Variants in NAA15 observed in about 807,000 individuals in gnomAD.
NAA15 encodes N-alpha-acetyltransferase 15, NatA auxiliary subunit, also known as N-terminal acetyltransferase.
NAA15 carries 34 observed loss-of-function variants against 114.0 expected under a neutral mutation model. That is an observed-to-expected ratio of 0.30 (90% CI 0.23 to 0.40). NAA15 has a LOEUF of 0.40. NAA15 is among the 10% of genes least tolerant of loss of function. NAA15 has a pLI of 1.00. For synonymous variants in NAA15, 340 were observed against 338.0 expected (o/e 1.01, Z -0.06); for missense variants, 658 against 1,004.5 (o/e 0.66, Z 4.66).
At chr4:139,307,349 G>GCCTCCACCTCCCGGGCTCAAGCTAT (rs1746057650) in intron 1 of NAA15, among the ~76,000 whole-genome samples, 2 of 152,188 alleles carry the variant, frequency 1.3e-5, no homozygotes, top group Non-Finnish European at 2.9e-5. Context: ...GCTCACTGCA[G>GCCTCCACCTCCCGGGCTCAAGCTAT]CCTCCACCTC....
chr4:139,312,503 A>G (rs1224189049), intron 1 of NAA15, among the ~76,000 whole-genome samples: 2 of 151,926 alleles, frequency 1.3e-5, no homozygotes, highest in African/African-American at 2.4e-5. Flanking sequence ...ATTGTTCACT[A>G]CTTAATATGG....
At chr4:139,344,810 G>A (rs749853459) in intron 6 of NAA15, among the ~76,000 whole-genome samples, 2 of 152,078 alleles carry the variant, frequency 1.3e-5, no homozygotes, top group Non-Finnish European at 2.9e-5. Flanking sequence ...TAATCTGAAT[G>A]TCTTCGATGA....
intron 5 of NAA15, among the ~76,000 whole-genome samples, chr4:139,343,665 C>T (rs930717233): frequency 1.3e-5 from 2 of 152,232 alleles, no homozygotes; most frequent in Admixed American, 6.5e-5. Flanking sequence ...GCGTTCATTA[C>T]ATCAAGAGGC....
At chr4:139,313,806 G>T (rs980896732) in intron 1 of NAA15, among the ~76,000 whole-genome samples, 1 of 151,758 alleles carries the variant, frequency 6.6e-6, no homozygotes, top group Non-Finnish European at 1.5e-5. Context: ...CAAAGTGCTG[G>T]CATTACAGGT....
chr4:139,319,096 CCAGG>C (rs1746511977), intron 1 of NAA15, among the ~76,000 whole-genome samples: 1 of 151,994 alleles, frequency 6.6e-6, no homozygotes. Context: ...GGAGACCAGG[CCAGG>C]CTGGCCAACA....
chr4:139,357,091 T>TC (rs1747979606), intron 10 of NAA15, among the ~76,000 whole-genome samples: 1 of 152,054 alleles, frequency 6.6e-6, no homozygotes. Context: ...GTACAGCTTG[T>TC]CTCCCCCCTA....
At chr4:139,332,346 G>C (rs999513654) in intron 1 of NAA15, among the ~76,000 whole-genome samples, 7 of 151,856 alleles carry the variant, frequency 4.6e-5, no homozygotes, top group Non-Finnish European at 7.4e-5. Context: ...GGCCTGGCTG[G>C]TCTCGAACTT....
intron 13 of NAA15, 129 bp from the exon 14 acceptor site, chr4:139,361,594 TG>T: frequency 1.7e-6 from 1 of 597,904 alleles, no homozygotes; most frequent in East Asian, 2.9e-5. Flanking sequence ...GTTGAATAAT[TG>T]TAATTGTTTT....
At position 139,390,701 on chromosome 4, in the gene NAA15, TTTAATTA is replaced by T. The variant is rs1749037653; in HGVS notation, c.*2618_*2624del. 2.6e-5 allele frequency: 4 copies of T among 152,392 alleles called. No individual in the cohort carries two copies. The highest frequency in any genetic ancestry group is 2.6e-4 in the Admixed American group (4 of 15,284). 9.4% of individuals were successfully genotyped at this position (152,392 alleles called of 1,614,324 possible). On this transcript the variant is annotated 3_prime_UTR_variant, in exon 20 of 20. Transcript: ENST00000296543. ...ATCTGACTAGGTTAGTTTACTCAGC[TTTAATTA>T]GATAGTTGAGTCATATATTTTCAAC...
chr4:139,350,497 G>A (rs1174881586), intron 7 of NAA15, among the ~76,000 whole-genome samples: 1 of 152,176 alleles, frequency 6.6e-6, no homozygotes, highest in African/African-American at 2.4e-5. Flanking sequence ...TCTCCCATAA[G>A]TGGGGTCCAC....
intron 1 of NAA15, among the ~76,000 whole-genome samples, chr4:139,303,704 C>G (rs1447847600): frequency 1.8e-4 from 27 of 152,062 alleles, no homozygotes; most frequent in Admixed American, 1.8e-3. Flanking sequence ...GGCTGAGGCA[C>G]AAGAATCGCT....
chr4:139,327,189 G>C (rs1441918902), intron 1 of NAA15, among the ~76,000 whole-genome samples: 2 of 152,002 alleles, frequency 1.3e-5, no homozygotes, highest in African/African-American at 4.8e-5. Flanking sequence ...CTCCTACCTT[G>C]GCCTTCCAAA....
At chr4:139,369,326 A>G (rs1456811306) in intron 14 of NAA15, among the ~76,000 whole-genome samples, 6 of 152,248 alleles carry the variant, frequency 3.9e-5, no homozygotes, top group Non-Finnish European at 5.9e-5. Context: ...AAATAGTTTA[A>G]TATTGCTGTT....
chr4:139,336,803 TTATTTTTTTAAAATGTTC>T, intron 2 of NAA15, 27 bp from the exon 3 acceptor site: 1 of 1,157,202 alleles, frequency 8.6e-7, no homozygotes, highest in South Asian at 1.8e-5. Flanking sequence ...TTTTTAATAT[TTATTTTTTTAAAATGTTC>T]CTTTTCTTCT....
chr4:139,351,750 C>T, intron 9 of NAA15, 139 bp downstream of exon 9: 2 of 483,926 alleles, frequency 4.1e-6, no homozygotes, highest in Non-Finnish European at 7.4e-6. Flanking sequence ...AGTTTAAATG[C>T]TTCTGATTCC....
intron 1 of NAA15, among the ~76,000 whole-genome samples, chr4:139,323,078 T>TA (rs1420841800): frequency 1.4e-4 from 19 of 135,772 alleles, no homozygotes; most frequent in African/African-American, 5.3e-4. Context: ...TTTTTTGAGA[T>TA]AGAGTTTTGC....
At chr4:139,345,826 C>T (rs1012462576) in intron 6 of NAA15, among the ~76,000 whole-genome samples, 2 of 151,978 alleles carry the variant, frequency 1.3e-5, no homozygotes, top group African/African-American at 2.4e-5. Flanking sequence ...GAGGCTGAGG[C>T]AGGAGAACGG....
rs192392545 is a variant in NAA15, at chr4:139,321,562, C to T, written c.55-12612C>T. 6.1e-4 allele frequency among the ~76,000 whole-genome samples: 92 copies of T among 150,448 alleles called. 2 individuals are homozygous for T. The highest frequency in any genetic ancestry group is 3.2e-4 in the Non-Finnish European group (22 of 67,832). Reference sequence around the variant, plus strand: ...TCTCTGCCCACTGCAAGCTCCGCCTCCCGGATTCATGCCATTCTCCTGCCT... The same window carrying T: ...TCTCTGCCCACTGCAAGCTCCGCCTTCCGGATTCATGCCATTCTCCTGCCT... On this transcript the variant is annotated intron_variant, in intron 1 of 19. Transcript: ENST00000296543.
intron 6 of NAA15, among the ~76,000 whole-genome samples, chr4:139,345,292 A>G (rs1351219909): frequency 2.0e-5 from 3 of 152,172 alleles, no homozygotes; most frequent in African/African-American, 7.2e-5. Flanking sequence ...GTCATTCTTT[A>G]GTAGTCTGTT....
Sources: gnomAD v4.1 joint callset for allele counts (sites outside exome capture counted in the v4.1 genomes callset) on GRCh38, gnomAD v4.1.1 for gene constraint, MANE v1.5 for transcripts, NCBI Gene and HGNC (gene_info 2026-07-23, HGNC 2026-07-21) for gene names.